DSE: variants seen among roughly 807,000 people sequenced by gnomAD.
DSE encodes dermatan-sulfate epimerase.
In DSE, 36 loss-of-function variants were observed where a neutral mutation model predicts 84.4. The observed-to-expected ratio is 0.43, with a 90% CI of 0.33 to 0.56. The LOEUF (loss-of-function observed/expected upper bound fraction) is 0.56. Among genes scored for constraint, DSE ranks in the 20% least tolerant of loss-of-function variants. DSE has a pLI of 0.06. For synonymous variants in DSE, 410 were observed against 430.1 expected (o/e 0.95, Z 0.58); for missense variants, 862 against 1,169.6 (o/e 0.74, Z 3.84).
intron 2 of DSE, among the ~76,000 whole-genome samples, chr6:116,285,364 G>A (rs1353615329): frequency 1.3e-5 from 2 of 152,280 alleles, no homozygotes; most frequent in Admixed American, 1.3e-4. Flanking sequence ...TTTTGATGGG[G>A]TTGTTTGATT....
At chr6:116,292,562 C>G (rs1459962412) in intron 2 of DSE, among the ~76,000 whole-genome samples, 1 of 152,006 alleles carries the variant, frequency 6.6e-6, no homozygotes, top group Non-Finnish European at 1.5e-5. Context: ...GACTGGATGA[C>G]AAGTTCAAGG....
At chr6:116,371,549 C>T (rs1010230367) in intron 1 of DSE, among the ~76,000 whole-genome samples, 2 of 152,208 alleles carry the variant, frequency 1.3e-5, no homozygotes, top group African/African-American at 4.8e-5. Context: ...CCTTTCCCTC[C>T]GTACCCCAGC....
intron 3 of DSE, among the ~76,000 whole-genome samples, chr6:116,429,951 CAA>C (rs56696040): frequency 1.3e-4 from 2 of 15,434 alleles, no homozygotes. Context: ...GACTCCGTCT[CAA>C]AAAAAAAAAA....
chr6:116,313,412 CAG>C (rs765447253), intron 2 of DSE, among the ~76,000 whole-genome samples: 7 of 152,206 alleles, frequency 4.6e-5, no homozygotes, highest in Non-Finnish European at 7.4e-5. Context: ...TGAAGCCAAA[CAG>C]AAGAAAACCA....
intron 2 of DSE, among the ~76,000 whole-genome samples, chr6:116,344,294 A>G (rs1465174173): frequency 6.6e-6 from 1 of 152,200 alleles, no homozygotes; most frequent in Non-Finnish European, 1.5e-5. Context: ...TGCCACAAAG[A>G]TACTCCTCCT....
intron 2 of DSE, among the ~76,000 whole-genome samples, chr6:116,265,455 T>C (rs1772583347): frequency 6.6e-6 from 1 of 152,000 alleles, no homozygotes; most frequent in Admixed American, 6.5e-5. Flanking sequence ...TCCCACATGC[T>C]GGTGGGGCAG....
At chr6:116,416,295 T>A (rs9384977) in intron 2 of DSE, among the ~76,000 whole-genome samples, 107,592 of 151,550 alleles carry the variant, frequency 0.71, 38,555 homozygotes, top group Admixed American at 0.77. Flanking sequence ...GTATGCACAG[T>A]TTCTTGGGGG....
rs765194467 is a variant in DSE, at chr6:116,437,011, T to C, written c.2543T>C (p.Leu848Pro). The C allele has an allele frequency of 2.5e-6, 4 of 1,613,958 alleles. No individual in the cohort carries two copies. Among genetic ancestry groups the C allele is most frequent in the Non-Finnish European group, 3.4e-6 (4 of 1,180,018 alleles). Residue 848 changes from leucine to proline, a missense_variant, in exon 6 of 6, where the codon CTA becomes CCA. Physicochemically the swap from Leu to Pro is moderately conservative, Grantham distance 98. This residue lies in a region of DSE where 315 missense variants were observed against 348.1 expected (regional missense o/e 0.90). Transcript: ENST00000644252. ...QKAQILAQKE[L>P]PIDEDEEMKD... Reference sequence around the variant, plus strand: ...GCTCAGATTTTGGCACAGAAAGAACTACCCATAGATGAAGATGAAGAAATG... The same window carrying C: ...GCTCAGATTTTGGCACAGAAAGAACCACCCATAGATGAAGATGAAGAAATG...
exon 2 of DSE, chr6:116,258,964 TGA>T (rs1772281791): frequency 1.3e-6 from 2 of 1,489,824 alleles, no homozygotes; most frequent in Admixed American, 1.7e-5. Flanking sequence ...CCCTGCACTG[TGA>T]GGTAGGTACT....
At chr6:116,354,819 CAT>C (rs767216848) in intron 2 of DSE, among the ~76,000 whole-genome samples, 4 of 151,968 alleles carry the variant, frequency 2.6e-5, no homozygotes, top group East Asian at 1.9e-4. Context: ...AAAATAGTGA[CAT>C]GTTTTACATT....
chr6:116,258,623 TC>T (rs1772254521), exon 2 of DSE: 1 of 1,612,428 alleles, frequency 6.2e-7, no homozygotes, highest in Non-Finnish European at 8.5e-7. Context: ...GTCTTAATGT[TC>T]CGGAAGGCAG....
chr6:116,264,403 C>A (rs1394055019), intron 2 of DSE, among the ~76,000 whole-genome samples: 2 of 151,950 alleles, frequency 1.3e-5, no homozygotes, highest in Admixed American at 1.3e-4. Flanking sequence ...TTATGAAATT[C>A]TTGTAGTGTG....
In DSE at chr6:116,441,912, C is replaced by T. The variant is rs994637217; in HGVS notation, c.*4567C>T. The T allele has an allele frequency of 6.6e-6, 1 of 152,052 alleles. No homozygotes were observed. The highest frequency in any genetic ancestry group is 2.4e-5 in the African/African-American group (1 of 41,388). The allele number at this position is 152,052 out of a possible 1,614,324, so 9.4% of individuals were successfully genotyped here. ...AGAATAGGAATAATAAAAGCTGGCCCTTGTATAGTTTATGTTCTAGTGGGA... is the reference window on the plus strand; with the variant it reads ...AGAATAGGAATAATAAAAGCTGGCCTTTGTATAGTTTATGTTCTAGTGGGA... On this transcript the variant is annotated 3_prime_UTR_variant, in exon 6 of 6. Coordinates refer to ENST00000644252, the MANE Select transcript of DSE (RefSeq NM_013352.4).
At chr6:116,434,783 T>C (rs1052063881) in intron 5 of DSE, among the ~76,000 whole-genome samples, 1 of 152,194 alleles carries the variant, frequency 6.6e-6, no homozygotes, top group Non-Finnish European at 1.5e-5. Context: ...GAACAACAGA[T>C]GAAACAGTCA....
intron 1 of DSE, among the ~76,000 whole-genome samples, chr6:116,376,828 A>G (rs1779957417): frequency 6.6e-6 from 1 of 152,238 alleles, no homozygotes; most frequent in Non-Finnish European, 1.5e-5. Flanking sequence ...ATAACAAAAG[A>G]CATATAGGCA....
chr6:116,346,608 T>G (rs945433787), intron 2 of DSE, among the ~76,000 whole-genome samples: 1 of 152,182 alleles, frequency 6.6e-6, no homozygotes, highest in African/African-American at 2.4e-5. Context: ...TAGGTATTGA[T>G]GGGATGTATG....
At chr6:116,391,245 C>G (rs1393950746) in intron 1 of DSE, among the ~76,000 whole-genome samples, 1 of 151,982 alleles carries the variant, frequency 6.6e-6, no homozygotes, top group Admixed American at 6.6e-5. Context: ...TACAGAGCTG[C>G]AGTTAATAAA....
At position 116,444,047 on chromosome 6, in the gene DSE, C is replaced by T. The variant is rs1448181809; in HGVS notation, c.*6702C>T. On this transcript the variant is annotated 3_prime_UTR_variant, in exon 6 of 6. Transcript: ENST00000644252. ...TAATCTTGATTTCTAAACTCCTTTA[C>T]TCCTCTCTTGAAGGTATTTGTTTTA... 6.6e-6 allele frequency: 1 copy of T among 152,184 alleles called. No homozygotes were observed. The highest frequency in any genetic ancestry group is 1.5e-5 in the Non-Finnish European group (1 of 68,034). 9.4% of individuals were successfully genotyped at this position (152,184 alleles called of 1,614,324 possible).
intron 2 of DSE, among the ~76,000 whole-genome samples, chr6:116,273,912 C>T (rs1320250360): frequency 2.0e-5 from 3 of 151,448 alleles, no homozygotes; most frequent in Non-Finnish European, 2.9e-5. Flanking sequence ...TCACTGCAGC[C>T]TCCACCTCTT....
Sources: gnomAD v4.1 joint callset for allele counts (sites outside exome capture counted in the v4.1 genomes callset) on GRCh38, gnomAD v4.1.1 for gene constraint, gnomAD v4.1.1 regional missense constraint, MANE v1.5 for transcripts, NCBI Gene and HGNC (gene_info 2026-07-23, HGNC 2026-07-21) for gene names.